Variants in USP42 observed in about 807,000 individuals in gnomAD.
USP42 encodes the protein ubiquitin carboxyl-terminal hydrolase 42.
A neutral mutation model predicts 113.0 loss-of-function variants in USP42; 23 were observed. The observed-to-expected ratio is 0.20, with a 90% CI of 0.15 to 0.29. The LOEUF (loss-of-function observed/expected upper bound fraction) is 0.29, where lower values mean the gene tolerates loss of function less well. Among genes scored for constraint, USP42 ranks in the 10% least tolerant of loss-of-function variants. The pLI is 1.00. For missense variants in USP42, 2,174 were observed against 1,779.8 expected, an observed-to-expected ratio of 1.22 and a Z score of -3.99; for synonymous variants, 933 against 699.0, an observed-to-expected ratio of 1.33 and a Z score of -5.28.
chr7:6,097,569 G>C, the USP42 span, among the ~76,000 whole-genome samples: 1 of 150,036 alleles, frequency 6.7e-6, no homozygotes, highest in African/African-American at 2.5e-5. Flanking sequence ...ACTGCGCCCA[G>C]CCATGTGGGT....
rs145482474 is a variant in USP42, at chr7:6,157,738, C to T, written c.3943+683C>T. Among the ~76,000 whole-genome samples, 38 of 152,340 alleles carry T rather than the reference C, an allele frequency of 2.5e-4. No individual in the cohort carries two copies. The highest frequency in any genetic ancestry group is 5.3e-4 in the African/African-American group (22 of 41,590). ...CCCTGATGCTCGGTACTGATTTGCT[C>T]GCTTGGTTCCTTAGAAGCGTGGGCA... On this transcript the variant is annotated intron_variant, in intron 16 of 17. Transcript: ENST00000306177. This position sits in a 1 kb window ranked among gnomAD's most constrained non-coding sequence, Gnocchi z 4.1.
chr7:6,106,640 C>G (rs966078233), intron 1 of USP42, among the ~76,000 whole-genome samples: 1 of 152,200 alleles, frequency 6.6e-6, no homozygotes, highest in Non-Finnish European at 1.5e-5. Context: ...TTGTAGCTCA[C>G]TGTAGCCTCA....
At chr7:6,097,750 C>G in the USP42 span, among the ~76,000 whole-genome samples, 16 of 150,160 alleles carry the variant, frequency 1.1e-4, no homozygotes, top group East Asian at 2.5e-3. Flanking sequence ...GCCACCATGC[C>G]CCGCTAATTT....
chr7:6,153,317 G>C (rs1318644164), intron 14 of USP42, among the ~76,000 whole-genome samples: 2 of 150,322 alleles, frequency 1.3e-5, no homozygotes, highest in East Asian at 2.0e-4. Context: ...AAAAAAAATA[G>C]AGGAATTGGA....
At chr7:6,092,594 T>G in the USP42 span, among the ~76,000 whole-genome samples, 2 of 151,378 alleles carry the variant, frequency 1.3e-5, no homozygotes, top group Admixed American at 1.3e-4. Flanking sequence ...ATCATGACAA[T>G]GTGTAATAAC....
rs772025201 is a variant in USP42 at position 6,154,733 on chromosome 7, G to A, written c.3179G>A (p.Arg1060Gln). The A allele has an allele frequency of 6.3e-6, 10 of 1,582,914 alleles. No homozygotes were observed. Among genetic ancestry groups the A allele is most frequent in the South Asian group, 1.2e-5 (1 of 86,522 alleles). The change falls in exon 15 of 18, where the codon CGG (arginine) becomes CAG (glutamine). Residue 1060 changes from arginine to glutamine, a missense_variant. Coordinates refer to ENST00000306177, the MANE Select transcript of USP42 (RefSeq NM_032172.3). ...YPDRPRWDRC[R>Q]YYHDRYALYA... is the part of the protein sequence containing the mutation. ...GACAGGCCGCGCTGGGACAGGTGCCGGTACTACCATGACAGGTACGCCCTG... is the reference window on the plus strand; with the variant it reads ...GACAGGCCGCGCTGGGACAGGTGCCAGTACTACCATGACAGGTACGCCCTG...
rs770779800 is a variant in USP42 at position 6,134,818 on chromosome 7, C to T, written c.443-1023C>T. On this transcript the variant is annotated intron_variant, in intron 3 of 17. Coordinates refer to ENST00000306177, the MANE Select transcript of USP42 (RefSeq NM_032172.3). ...TTTGTTTTTTTGAGACAGGGTCTCGCTCTGTTGCCCAGGCTGTAGTGCAGT... is the reference window on the plus strand; with the variant it reads ...TTTGTTTTTTTGAGACAGGGTCTCGTTCTGTTGCCCAGGCTGTAGTGCAGT... Among the ~76,000 whole-genome samples, 7 of 152,266 alleles carry T rather than the reference C, an allele frequency of 4.6e-5. No individual in the cohort carries two copies. The South Asian group carries it at 8.3e-4, about 18-fold the overall frequency.
At chr7:6,114,549 T>C (rs1779771750) in intron 2 of USP42, among the ~76,000 whole-genome samples, 1 of 150,714 alleles carries the variant, frequency 6.6e-6, no homozygotes, top group South Asian at 2.1e-4. Flanking sequence ...AAAATGTATT[T>C]ACATGAAACA....
chr7:6,141,196 C>CTTTT (rs199589142), intron 7 of USP42, among the ~76,000 whole-genome samples: 73 of 131,816 alleles, frequency 5.5e-4, no homozygotes, highest in Non-Finnish European at 7.7e-4. Flanking sequence ...TTTTCTTTTT[C>CTTTT]TTTTCTTTTT....
chr7:6,155,694 GT>G (rs1330174436), intron 15 of USP42, among the ~76,000 whole-genome samples: 2 of 152,156 alleles, frequency 1.3e-5, no homozygotes, highest in Non-Finnish European at 2.9e-5. Context: ...AGACACCTTC[GT>G]TTCCTCGGCC....
At chr7:6,093,826 ATAAGAGT>A in the USP42 span, among the ~76,000 whole-genome samples, 1 of 150,884 alleles carries the variant, frequency 6.6e-6, no homozygotes, top group Non-Finnish European at 1.5e-5. Flanking sequence ...TGTAAAATCT[ATAAGAGT>A]TAAAAGACCT....
chr7:6,103,927 C>T (rs1485362817), upstream of USP42, among the ~76,000 whole-genome samples: 1 of 150,898 alleles, frequency 6.6e-6, no homozygotes, highest in Non-Finnish European at 1.5e-5. Context: ...CAAACAAAAA[C>T]CCTAAAATTA....
intron 9 of USP42, among the ~76,000 whole-genome samples, chr7:6,144,867 C>G (rs1463240140): frequency 6.8e-6 from 1 of 146,762 alleles, no homozygotes; most frequent in East Asian, 2.2e-4. Flanking sequence ...CAGATTCTGT[C>G]TCAAAAAAAA....
chr7:6,146,289 C>A (rs762696904), intron 11 of USP42, 41 bp downstream of exon 11: 3 of 1,173,032 alleles, frequency 2.6e-6, no homozygotes, highest in African/African-American at 1.6e-5. Flanking sequence ...TCTGGTATGT[C>A]ATTTCTTCTT....
the USP42 span, among the ~76,000 whole-genome samples, chr7:6,085,758 G>A: frequency 6.6e-6 from 1 of 150,518 alleles, no homozygotes; most frequent in Non-Finnish European, 1.5e-5. Flanking sequence ...GGCACTACTG[G>A]CATGTGCCAT....
the USP42 span, among the ~76,000 whole-genome samples, chr7:6,099,211 C>CTTTTTTTT: frequency 1.0e-5 from 1 of 98,802 alleles, no homozygotes; most frequent in Non-Finnish European, 1.9e-5. Flanking sequence ...TGTTCCCTCT[C>CTTTTTTTT]TTTTTTTTTT....
At chr7:6,114,663 T>TATATAC in intron 2 of USP42, among the ~76,000 whole-genome samples, 1 of 44,598 alleles carries the variant, frequency 2.2e-5, no homozygotes, top group East Asian at 1.4e-3. Context: ...TGTGTATATA[T>TATATAC]ATATATATAT....
the USP42 span, among the ~76,000 whole-genome samples, chr7:6,088,198 C>G: frequency 6.6e-6 from 1 of 151,070 alleles, no homozygotes; most frequent in Non-Finnish European, 1.5e-5. Context: ...CCAGCCTGGG[C>G]AACAGAGTGA....
In USP42 at chr7:6,154,823, A is replaced by G. The variant is rs1344071894; in HGVS notation, c.3269A>G (p.Glu1090Gly). Residue 1090 changes from glutamate (E) to glycine (G), a missense_variant, in exon 15 of 18, where the codon GAG (glutamate) becomes GGG (glycine). Physicochemically the swap from Glu to Gly is moderately conservative, Grantham distance 98. Transcript: ENST00000306177. Reference sequence around the variant, plus strand: ...GAGCACGAGCGGGCCGGGCTGCACGAGCGGCCGCACAAGGACCACAACCGG... The same window carrying G: ...GAGCACGAGCGGGCCGGGCTGCACGGGCGGCCGCACAAGGACCACAACCGG... ...GREHERAGLHERPHKDHNRGR... is the reference protein window; with the variant it reads ...GREHERAGLHGRPHKDHNRGR... The G allele has an allele frequency of 5.2e-6, 8 of 1,542,564 alleles. No homozygotes were observed. Among genetic ancestry groups the G allele is most frequent in the Non-Finnish European group, 7.0e-6 (8 of 1,142,770 alleles).
Sources: gnomAD v4.1 joint callset for allele counts (sites outside exome capture counted in the v4.1 genomes callset) on GRCh38, gnomAD v4.1.1 for gene constraint, Gnocchi (gnomAD v3.1) non-coding constraint, MANE v1.5 for transcripts, NCBI Gene and HGNC (gene_info 2026-07-23, HGNC 2026-07-21) for gene names.